Variants in EMP2 observed in about 807,000 individuals in gnomAD.
The protein encoded by EMP2 is epithelial membrane protein 2.
A neutral mutation model predicts 13.7 loss-of-function variants in EMP2; 19 were observed. That is an observed-to-expected ratio of 1.38 (90% confidence interval 0.97 to 2.03). The LOEUF (loss-of-function observed/expected upper bound fraction) is 2.03, where lower values mean the gene tolerates loss of function less well. Among genes scored for constraint, EMP2 ranks in the 30% most tolerant of loss-of-function variants. The pLI, the probability that EMP2 is intolerant of heterozygous loss-of-function variation, is 0.00. For synonymous variants in EMP2, 97 were observed against 84.7 expected (o/e 1.15, Z -0.80); for missense variants, 253 against 220.7 (o/e 1.15, Z -0.93).
At chr16:10,577,812 G>A (rs1300830789) in intron 1 of EMP2, among the ~76,000 whole-genome samples, 2 of 151,910 alleles carry the variant, frequency 1.3e-5, no homozygotes, top group Admixed American at 6.6e-5. Flanking sequence ...CCACCTTTGG[G>A]TAAGTAACGT....
intron 1 of EMP2, among the ~76,000 whole-genome samples, chr16:10,563,922 C>T (rs1344546499): frequency 1.3e-5 from 2 of 152,228 alleles, no homozygotes; most frequent in African/African-American, 4.8e-5. Flanking sequence ...ATTGGGGCTT[C>T]ACCCAGGAGG....
rs1005060961 is a variant in EMP2 at position 10,531,706 on chromosome 16, T to TC, written c.*1198dup. The stretch of plus-strand genomic sequence containing the variant: ...AGGAGGAGATTGTCTCTAGAGGGTA[T>TC]CCCCTGTGCCTGGCACATGCATGCA... On this transcript the variant is annotated 3_prime_UTR_variant, in exon 5 of 5. Coordinates refer to ENST00000359543, the MANE Select transcript of EMP2 (RefSeq NM_001424.6). 2.6e-5 allele frequency: 4 copies of TC among 152,844 alleles called. No individual in the cohort carries two copies. Among genetic ancestry groups the TC allele is most frequent in the African/African-American group, 9.7e-5 (4 of 41,442 alleles). 9.5% of individuals were successfully genotyped at this position (152,844 alleles called of 1,614,324 possible).
chr16:10,534,132 A>C (rs73502054), intron 4 of EMP2, among the ~76,000 whole-genome samples: 460 of 152,180 alleles, frequency 3.0e-3, no homozygotes, highest in African/African-American at 0.01. Context: ...AAAGAAAAAT[A>C]TGACTGCCTG....
At chr16:10,579,358 T>A (rs995082928) in intron 1 of EMP2, among the ~76,000 whole-genome samples, 9 of 152,108 alleles carry the variant, frequency 5.9e-5, no homozygotes, top group African/African-American at 2.2e-4. Context: ...AGGCGGCTTT[T>A]AAAAAATTTT....
At chr16:10,569,067 C>T (rs762036347) in intron 1 of EMP2, among the ~76,000 whole-genome samples, 3 of 152,122 alleles carry the variant, frequency 2.0e-5, no homozygotes, top group Non-Finnish European at 2.9e-5. Flanking sequence ...GGATTACAGG[C>T]GTGAGCCACC....
intron 1 of EMP2, among the ~76,000 whole-genome samples, chr16:10,575,805 G>C (rs186664685): frequency 6.6e-5 from 10 of 152,146 alleles, no homozygotes; most frequent in African/African-American, 2.2e-4. Flanking sequence ...GGTCATCAGA[G>C]TGGAATCATG....
At chr16:10,574,433 G>GC (rs33991753) in intron 1 of EMP2, among the ~76,000 whole-genome samples, 3 of 151,898 alleles carry the variant, frequency 2.0e-5, no homozygotes, top group South Asian at 4.2e-4. Flanking sequence ...TCACACTGTG[G>GC]CCCCCCCTCA....
chr16:10,545,378 G>A (rs1328702384), intron 2 of EMP2: 1 of 152,232 alleles, frequency 6.6e-6, no homozygotes, highest in African/African-American at 2.4e-5. Flanking sequence ...TCTGTAGCCT[G>A]TTAGGAACCA....
intron 3 of EMP2, among the ~76,000 whole-genome samples, chr16:10,543,172 A>G (rs1180664597): frequency 6.6e-6 from 1 of 152,224 alleles, no homozygotes; most frequent in African/African-American, 2.4e-5. Context: ...ACTGCTGGAC[A>G]GGGAAAAGTG....
At chr16:10,549,602 A>AT (rs1025549503) in intron 1 of EMP2, among the ~76,000 whole-genome samples, 3 of 151,526 alleles carry the variant, frequency 2.0e-5, no homozygotes, top group African/African-American at 7.3e-5. Flanking sequence ...TAGTTACTAC[A>AT]TTTTTTTGGA....
In EMP2 at chr16:10,530,375, C is replaced by T. The variant is rs2050588961; in HGVS notation, c.*2530G>A. 6.6e-6 allele frequency: 1 copy of T among 152,444 alleles called. No individual in the cohort carries two copies. The highest frequency in any genetic ancestry group is 2.4e-5 in the African/African-American group (1 of 41,402). The allele number at this position is 152,444 out of a possible 1,614,324, so 9.4% of individuals were successfully genotyped here. Reference sequence around the variant, plus strand: ...GCATTGAAGAGATATCCATGGTGGCCCTAAAACTACTCAAACCAGATGTCT... The same window carrying T: ...GCATTGAAGAGATATCCATGGTGGCTCTAAAACTACTCAAACCAGATGTCT... On this transcript the variant is annotated 3_prime_UTR_variant, in exon 5 of 5. Coordinates refer to ENST00000359543, the MANE Select transcript of EMP2 (RefSeq NM_001424.6).
rs2050587800 is a variant in EMP2 at position 10,530,263 on chromosome 16, C to T, written c.*2642G>A. 1 of 152,212 alleles carries T rather than the reference C, an allele frequency of 6.6e-6. No individual in the cohort carries two copies. Among genetic ancestry groups the T allele is most frequent in the Admixed American group, 6.5e-5 (1 of 15,278 alleles). 9.4% of individuals were successfully genotyped at this position (152,212 alleles called of 1,614,324 possible). A position where few individuals can be genotyped will look rare whatever the true frequency, so the allele number is the denominator to read the frequency against. On this transcript the variant is annotated 3_prime_UTR_variant, in exon 5 of 5. Transcript: ENST00000359543. ...TTGCTCACCCCTGTATTTTCAGAGC[C>T]TCACACAGTGCCTGGAACATGGTAA...
At chr16:10,570,684 T>A (rs553913397) in intron 1 of EMP2, among the ~76,000 whole-genome samples, 1 of 151,778 alleles carries the variant, frequency 6.6e-6, no homozygotes, top group East Asian at 2.0e-4. Flanking sequence ...AGGCATGAGC[T>A]ACCACATCTG....
chr16:10,559,211 G>C, intron 1 of EMP2: 1 of 152,516 alleles, frequency 6.6e-6, no homozygotes, highest in East Asian at 1.9e-4. Flanking sequence ...CCCTCCCACT[G>C]CCCAGAGCAC....
At chr16:10,568,943 C>T (rs8063800) in intron 1 of EMP2, among the ~76,000 whole-genome samples, 7,442 of 151,976 alleles carry the variant, frequency 0.049, 611 homozygotes, top group African/African-American at 0.17. Context: ...CCTGCCACCA[C>T]GCCAGGCTAA....
intron 1 of EMP2, among the ~76,000 whole-genome samples, chr16:10,554,035 C>CTTTTTTTTT (rs34514394): frequency 7.2e-6 from 1 of 138,132 alleles, no homozygotes. Flanking sequence ...TTCTTTCTTT[C>CTTTTTTTTT]TTTTTTTTTT....
rs557516947 is a variant in EMP2, at chr16:10,539,792, C to T, written c.170-1718G>A. On this transcript the variant is annotated intron_variant, in intron 3 of 4. Coordinates refer to ENST00000359543, the MANE Select transcript of EMP2 (RefSeq NM_001424.6). ...AAATCAGAACGTCGGGCATTGAGAG[C>T]GGGCACGAGGGCTTCGTAAAGCCAC... Among the ~76,000 whole-genome samples the T allele has an allele frequency of 3.9e-4, 60 of 152,244 alleles. 1 individual carries two copies. The highest frequency in any genetic ancestry group is 7.4e-4 in the Non-Finnish European group (50 of 68,018).
intron 3 of EMP2, among the ~76,000 whole-genome samples, chr16:10,539,857 G>C (rs546851563): frequency 6.6e-6 from 1 of 152,162 alleles, no homozygotes; most frequent in East Asian, 1.9e-4. Flanking sequence ...GTGACCCTCT[G>C]GCTTACAGCA....
In EMP2 at chr16:10,543,232, A is replaced by AT. The variant is rs111359511; in HGVS notation, c.169+337dup. Among the ~76,000 whole-genome samples the AT allele has an allele frequency of 3.7e-3, 561 of 152,358 alleles. 1 individual carries two copies. Among genetic ancestry groups the AT allele is most frequent in the African/African-American group, 0.013 (535 of 41,594 alleles). On this transcript the variant is annotated intron_variant, in intron 3 of 4. Coordinates refer to ENST00000359543, the MANE Select transcript of EMP2 (RefSeq NM_001424.6). ...GAGCCCATTTAGAGGCAAGGCTTGGATAAAAAAAGAAGGGAAGAGAAAATT... is the reference window on the plus strand; with the variant it reads ...GAGCCCATTTAGAGGCAAGGCTTGGATTAAAAAAAGAAGGGAAGAGAAAATT...
Sources: gnomAD v4.1 joint callset for allele counts (sites outside exome capture counted in the v4.1 genomes callset) on GRCh38, gnomAD v4.1.1 for gene constraint, MANE v1.5 for transcripts, NCBI Gene and HGNC (gene_info 2026-07-23, HGNC 2026-07-21) for gene names.